The following SND1 variants were observed in gnomAD, a reference collection of about 807,000 sequenced individuals.
SND1 encodes staphylococcal nuclease domain-containing protein 1.
SND1 carries 38 observed loss-of-function variants against 121.7 expected under a neutral mutation model. That is an observed-to-expected ratio of 0.31 (90% confidence interval 0.24 to 0.41). SND1 has a LOEUF of 0.41. Ranked by LOEUF, SND1 falls within the 10% of genes least tolerant of loss-of-function variation. SND1 has a pLI of 1.00. For synonymous variants in SND1, 401 were observed against 447.4 expected (o/e 0.90, Z 1.31); for missense variants, 868 against 1,184.6 (o/e 0.73, Z 3.92).
intron 1 of SND1, among the ~76,000 whole-genome samples, chr7:127,656,015 C>T (rs1795204424): frequency 1.3e-5 from 2 of 152,144 alleles, no homozygotes; most frequent in Non-Finnish European, 2.9e-5. Context: ...CCTTACCCTC[C>T]CCTCACCCAC....
intron 1 of SND1, among the ~76,000 whole-genome samples, chr7:127,656,760 G>A (rs746415683): frequency 1.3e-5 from 2 of 152,266 alleles, no homozygotes; most frequent in Non-Finnish European, 2.9e-5. Context: ...AGTATTGGGG[G>A]TGGGTTCCCC....
chr7:127,876,719 A>G (rs1799697999), intron 12 of SND1, among the ~76,000 whole-genome samples: 3 of 152,164 alleles, frequency 2.0e-5, no homozygotes, highest in Admixed American at 2.0e-4. Flanking sequence ...TACTTTCTTC[A>G]AGCTTGATCC....
chr7:128,020,420 G>A (rs551178597), intron 16 of SND1, among the ~76,000 whole-genome samples: 2 of 152,308 alleles, frequency 1.3e-5, no homozygotes, highest in Admixed American at 6.5e-5. Context: ...GCGCTAGGTC[G>A]CGAACCCAGA....
At chr7:128,037,786 G>C (rs1792776925) in intron 16 of SND1, among the ~76,000 whole-genome samples, 1 of 152,208 alleles carries the variant, frequency 6.6e-6, no homozygotes, top group Non-Finnish European at 1.5e-5. Context: ...AAGGGGGCAG[G>C]CTGACAAGAC....
chr7:128,047,684 A>T (rs1205632639), intron 16 of SND1, among the ~76,000 whole-genome samples: 1 of 152,212 alleles, frequency 6.6e-6, no homozygotes, highest in Non-Finnish European at 1.5e-5. Flanking sequence ...GAGATCTTTG[A>T]AAAGGGTATA....
chr7:128,069,730 ACAT>A (rs1174887327), intron 16 of SND1, among the ~76,000 whole-genome samples: 1 of 152,344 alleles, frequency 6.6e-6, no homozygotes, highest in African/African-American at 2.4e-5. Flanking sequence ...TTTAATCATA[ACAT>A]CCTTGAGGTA....
intron 10 of SND1, among the ~76,000 whole-genome samples, chr7:127,734,210 A>G (rs2116418210): frequency 6.6e-6 from 1 of 152,266 alleles, no homozygotes; most frequent in African/African-American, 2.4e-5. Flanking sequence ...TGCTAAGCAG[A>G]CATGTCCCTC....
intron 16 of SND1, among the ~76,000 whole-genome samples, chr7:128,055,828 C>G (rs1211942602): frequency 6.6e-6 from 1 of 152,172 alleles, no homozygotes; most frequent in Admixed American, 6.5e-5. Flanking sequence ...ATGCCTTCAT[C>G]CCCCACTCGC....
At chr7:127,666,574 T>C (rs1286450257) in intron 1 of SND1, among the ~76,000 whole-genome samples, 1 of 152,062 alleles carries the variant, frequency 6.6e-6, no homozygotes, top group African/African-American at 2.4e-5. Context: ...TTGTTATTCA[T>C]TGGAGAGAGT....
At chr7:127,827,383 C>T (rs1416304317) in intron 11 of SND1, among the ~76,000 whole-genome samples, 2 of 152,146 alleles carry the variant, frequency 1.3e-5, no homozygotes, top group Non-Finnish European at 2.9e-5. Flanking sequence ...TTTGTGTTTA[C>T]TGTTTTATAA....
At chr7:127,976,354 A>G (rs1584709333) in intron 15 of SND1, among the ~76,000 whole-genome samples, 1 of 152,250 alleles carries the variant, frequency 6.6e-6, no homozygotes, top group Non-Finnish European at 1.5e-5. Flanking sequence ...TGATGGCACA[A>G]GTTAATACCT....
chr7:128,046,538 AT>A (rs982616745), intron 16 of SND1, among the ~76,000 whole-genome samples: 1 of 151,236 alleles, frequency 6.6e-6, no homozygotes, highest in Admixed American at 6.6e-5. Context: ...TCATTTTTAT[AT>A]TTTTAGTAGA....
At chr7:127,810,514 T>C (rs1798317603) in intron 11 of SND1, among the ~76,000 whole-genome samples, 1 of 152,224 alleles carries the variant, frequency 6.6e-6, no homozygotes, top group African/African-American at 2.4e-5. Context: ...AGGCTCATCA[T>C]GAAATGGAAT....
At chr7:127,825,359 T>C (rs1798623106) in intron 11 of SND1, among the ~76,000 whole-genome samples, 1 of 152,060 alleles carries the variant, frequency 6.6e-6, no homozygotes, top group Admixed American at 6.5e-5. Flanking sequence ...TCCACCTGCC[T>C]TGGCCTCCCA....
intron 10 of SND1, among the ~76,000 whole-genome samples, chr7:127,756,632 C>T (rs886648265): frequency 2.0e-5 from 3 of 152,308 alleles, no homozygotes; most frequent in East Asian, 3.9e-4. Flanking sequence ...TTTAGCCATT[C>T]CTCTGGGATC....
intron 1 of SND1, among the ~76,000 whole-genome samples, chr7:127,680,726 G>T (rs1034484356): frequency 6.7e-6 from 1 of 150,320 alleles, no homozygotes; most frequent in Non-Finnish European, 1.5e-5. Context: ...TACAGTTAAC[G>T]CAATCATCAC....
intron 12 of SND1, among the ~76,000 whole-genome samples, chr7:127,866,948 C>G (rs1321205169): frequency 6.6e-6 from 1 of 152,196 alleles, no homozygotes; most frequent in African/African-American, 2.4e-5. Flanking sequence ...ACTAATTGTT[C>G]TGCCTACATG....
At chr7:127,992,219 C>T (rs555220164) in intron 16 of SND1, among the ~76,000 whole-genome samples, 1 of 152,274 alleles carries the variant, frequency 6.6e-6, no homozygotes, top group African/African-American at 2.4e-5. Context: ...TGTGAAGATG[C>T]ATGCAAAGTA....
At position 127,962,223 on chromosome 7, in the gene SND1, T is replaced by C. The variant is rs560608288; in HGVS notation, c.1670-28724T>C. 3.9e-5 allele frequency among the ~76,000 whole-genome samples: 6 copies of C among 152,290 alleles called. No homozygotes were observed. The South Asian group carries it at 8.3e-4, about 21-fold the overall frequency. On this transcript the variant is annotated intron_variant, in intron 15 of 23. Coordinates refer to ENST00000354725, the MANE Select transcript of SND1 (RefSeq NM_014390.4). The stretch of plus-strand genomic sequence containing the variant: ...GGAAGATGGGGAAAGGGAATGAATA[T>C]AGTCAAATAAATTAAGCCTTGAAAC...
Sources: allele counts gnomAD v4.1 joint callset (sites outside exome capture counted in the v4.1 genomes callset), GRCh38; gene constraint gnomAD v4.1.1; transcripts MANE v1.5; gene names NCBI Gene and HGNC (gene_info 2026-07-23, HGNC 2026-07-21).